Variants in MYO16 observed in about 807,000 individuals in gnomAD.
MYO16 encodes the protein myosin XVI.
Under a neutral mutation model 205.3 loss-of-function variants are expected in MYO16, and 94 were observed. The ratio of observed to expected loss-of-function variants is 0.46; its 90% CI spans 0.39 to 0.54. The LOEUF is 0.54. Among genes scored for constraint, MYO16 ranks in the 20% least tolerant of loss-of-function variants. MYO16 has a pLI of 0.00. For missense variants in MYO16, 2,315 were observed against 2,387.5 expected (o/e 0.97, Z 0.63); for synonymous variants, 988 against 954.0 (o/e 1.04, Z -0.66).
At chr13:108,745,016 A>AAAAAAAT (rs1885017342) in intron 4 of MYO16, among the ~76,000 whole-genome samples, 1 of 152,190 alleles carries the variant, frequency 6.6e-6, no homozygotes, top group South Asian at 2.1e-4. Context: ...AGTGTCACTG[A>AAAAAAAT]AAAAAATAAA....
At chr13:109,071,845 C>T (rs1887935145) in intron 27 of MYO16, among the ~76,000 whole-genome samples, 1 of 152,110 alleles carries the variant, frequency 6.6e-6, no homozygotes, top group Non-Finnish European at 1.5e-5. Context: ...GTGAAAGATA[C>T]ATTTGAGGCA....
rs4000581 is a variant in MYO16 at position 109,199,192 on chromosome 13, GTATATATATATA to G, written c.5416-7380_5416-7369del. Among the ~76,000 whole-genome samples, 530 of 75,576 alleles carry G rather than the reference GTATATATATATA, an allele frequency of 7.0e-3. 12 individuals carry two copies. The highest frequency in any genetic ancestry group is 0.018 in the African/African-American group (338 of 19,176). 49.6% of individuals were successfully genotyped at this position (75,576 alleles called of 152,430 possible). A position where few individuals can be genotyped will look rare whatever the true frequency, so the allele number is the denominator to read the frequency against. On this transcript the variant is annotated intron_variant, in intron 34 of 34. Coordinates refer to ENST00000457511, the MANE Select transcript of MYO16 (RefSeq NM_001198950.3). ...TCAAGTAAATGGTTTAATAAAAAAG[GTATATATATATA>G]TATATATATATATATATATATATAT...
In MYO16 at chr13:109,112,171, T is replaced by C. The variant is rs952135560; in HGVS notation, c.3439-8199T>C. On this transcript the variant is annotated intron_variant, in intron 28 of 34. Coordinates refer to ENST00000457511, the MANE Select transcript of MYO16 (RefSeq NM_001198950.3). Reference sequence around the variant, plus strand: ...CTAAAATAATAGTAAATAGCATCTCTTTTAGAGAAATAAAAAAGGGTTAGC... The same window carrying C: ...CTAAAATAATAGTAAATAGCATCTCCTTTAGAGAAATAAAAAAGGGTTAGC... 2.6e-5 allele frequency among the ~76,000 whole-genome samples: 4 copies of C among 152,190 alleles called. No individual in the cohort carries two copies. In the East Asian group the frequency reaches 7.7e-4, roughly 29 times the overall value.
intron 33 of MYO16, among the ~76,000 whole-genome samples, chr13:109,165,996 A>G (rs1878642661): frequency 6.6e-6 from 1 of 152,220 alleles, no homozygotes; most frequent in Admixed American, 6.5e-5. Context: ...CATTTTCCCC[A>G]AAGGGCAGTA....
At chr13:108,504,363 G>A in the MYO16 span, among the ~76,000 whole-genome samples, 83 of 152,176 alleles carry the variant, frequency 5.5e-4, no homozygotes, top group African/African-American at 2.0e-3. Context: ...CTGACCTCAG[G>A]TGATCCACCC....
intron 1 of MYO16, among the ~76,000 whole-genome samples, chr13:108,636,369 TTGTGTGTGTGTG>T (rs71125327): frequency 7.8e-5 from 4 of 51,368 alleles, no homozygotes; most frequent in African/African-American, 1.2e-4. Flanking sequence ...TTTTTTTTTT[TTGTGTGTGTGTG>T]TGTGTGTGTG....
chr13:108,711,075 T>TAG (rs1398710068), intron 2 of MYO16, among the ~76,000 whole-genome samples: 1 of 152,096 alleles, frequency 6.6e-6, no homozygotes, highest in Non-Finnish European at 1.5e-5. Context: ...TATATATATA[T>TAG]AGAGAGAAAG....
At chr13:108,779,315 A>G (rs1431714366) in intron 4 of MYO16, among the ~76,000 whole-genome samples, 1 of 152,240 alleles carries the variant, frequency 6.6e-6, no homozygotes, top group East Asian at 1.9e-4. Context: ...CATTTGAAAA[A>G]GAAAGATTGA....
intron 32 of MYO16, among the ~76,000 whole-genome samples, chr13:109,145,065 A>G (rs1013996727): frequency 7.9e-5 from 12 of 152,258 alleles, no homozygotes; most frequent in Non-Finnish European, 1.5e-4. Context: ...TAAGAAAGAT[A>G]TGATTGTGCA....
At chr13:108,701,869 A>G (rs1883321917) in intron 2 of MYO16, among the ~76,000 whole-genome samples, 1 of 152,124 alleles carries the variant, frequency 6.6e-6, no homozygotes, top group Non-Finnish European at 1.5e-5. Context: ...GAACAATTAT[A>G]AAAACAAACA....
intron 2 of MYO16, among the ~76,000 whole-genome samples, chr13:108,677,338 T>TATATATATATATATGC (rs1555337963): frequency 2.8e-3 from 245 of 86,844 alleles, no homozygotes; most frequent in Non-Finnish European, 4.6e-3. Flanking sequence ...TGTGTGTGTA[T>TATATATATATATATGC]ATATATATAT....
intron 11 of MYO16, among the ~76,000 whole-genome samples, chr13:108,855,848 C>T (rs1031346086): frequency 6.6e-6 from 1 of 152,178 alleles, no homozygotes; most frequent in Non-Finnish European, 1.5e-5. Context: ...TTGCTAGAAC[C>T]AGCAGGATCT....
rs745768397 is a variant in MYO16, at chr13:108,910,140, T to G, written c.1915T>G (p.Cys639Gly). 8 of 1,612,976 alleles carry G rather than the reference T, an allele frequency of 5.0e-6. No homozygotes were observed. The highest frequency in any genetic ancestry group is 5.9e-6 in the Non-Finnish European group (7 of 1,179,292). The change falls in exon 16 of 35, where the codon TGT (cysteine) becomes GGT (glycine). Residue 639 changes from cysteine to glycine, a missense_variant. Transcript: ENST00000457511. ...ATATGGACTTCATCTTAATAATTTA[T>G]GTGCACACCGGTGAGTGACTAAGTA... is the stretch of plus-strand genomic sequence containing the variant. ...EKYGLHLNNL[C>G]AHRYLNQTIQ...
At chr13:108,822,227 T>G (rs541470058) in intron 8 of MYO16, among the ~76,000 whole-genome samples, 1 of 152,302 alleles carries the variant, frequency 6.6e-6, no homozygotes, top group South Asian at 2.1e-4. Context: ...ATAAATTTAA[T>G]CTCCCAAAGT....
chr13:108,873,324 T>C (rs181530770), intron 12 of MYO16, among the ~76,000 whole-genome samples: 2 of 152,370 alleles, frequency 1.3e-5, no homozygotes, highest in East Asian at 3.9e-4. Flanking sequence ...ACATATAACA[T>C]CTGCATTTTA....
At chr13:109,150,581 G>C (rs1240794930) in intron 32 of MYO16, among the ~76,000 whole-genome samples, 2 of 152,160 alleles carry the variant, frequency 1.3e-5, no homozygotes, top group Admixed American at 1.3e-4. Context: ...CCAGAGATAC[G>C]TATCTAGCGT....
intron 4 of MYO16, among the ~76,000 whole-genome samples, chr13:108,752,548 A>G (rs1885269464): frequency 6.6e-6 from 1 of 152,200 alleles, no homozygotes; most frequent in Non-Finnish European, 1.5e-5. Context: ...CCCACTGCTC[A>G]TTGACATTAA....
chr13:108,787,763 C>T (rs1886501873), intron 5 of MYO16, among the ~76,000 whole-genome samples: 1 of 152,212 alleles, frequency 6.6e-6, no homozygotes, highest in African/African-American at 2.4e-5. Context: ...CTGGAACAAA[C>T]TCAATTTAAT....
chr13:108,750,999 A>G (rs1885219210), intron 4 of MYO16, among the ~76,000 whole-genome samples: 1 of 152,110 alleles, frequency 6.6e-6, no homozygotes, highest in Non-Finnish European at 1.5e-5. Context: ...GTTTAGCTTA[A>G]TAGGGTTACA....
Sources: allele counts gnomAD v4.1 joint callset (sites outside exome capture counted in the v4.1 genomes callset), GRCh38; gene constraint gnomAD v4.1.1; transcripts MANE v1.5; gene names NCBI Gene and HGNC (gene_info 2026-07-23, HGNC 2026-07-21).